Variants in ADAMTSL1 observed in about 807,000 individuals in gnomAD.
ADAMTSL1 encodes ADAMTS-like protein 1.
In ADAMTSL1, 126 loss-of-function variants were observed where a neutral mutation model predicts 201.8. The ratio of observed to expected loss-of-function variants is 0.62; its 90% confidence interval spans 0.54 to 0.72. The LOEUF is 0.72. Ranked by LOEUF, ADAMTSL1 falls within the 30% of genes least tolerant of loss-of-function variation. The pLI is 0.00. For synonymous variants in ADAMTSL1, 1,121 were observed against 903.4 expected, an observed-to-expected ratio of 1.24 and a Z score of -4.32; for missense variants, 2,679 against 2,277.8, an observed-to-expected ratio of 1.18 and a Z score of -3.59.
At chr9:18,650,009 G>T (rs1212403982) in intron 7 of ADAMTSL1, among the ~76,000 whole-genome samples, 2 of 152,220 alleles carry the variant, frequency 1.3e-5, no homozygotes, top group African/African-American at 4.8e-5. Context: ...GCCTACAGAG[G>T]CAGGCAGGCC....
At chr9:18,700,544 A>T (rs1457732102) in intron 13 of ADAMTSL1, among the ~76,000 whole-genome samples, 1 of 152,156 alleles carries the variant, frequency 6.6e-6, no homozygotes, top group Non-Finnish European at 1.5e-5. Context: ...CTTTATCCTA[A>T]GGTTTTTACT....
chr9:18,716,510 G>A (rs1454897083), intron 14 of ADAMTSL1, among the ~76,000 whole-genome samples: 3 of 151,752 alleles, frequency 2.0e-5, no homozygotes, highest in African/African-American at 4.8e-5. Flanking sequence ...CTGGCCATCA[G>A]AGAAATGCAA....
chr9:18,673,389 C>G (rs1199783818), intron 9 of ADAMTSL1, among the ~76,000 whole-genome samples: 1 of 152,202 alleles, frequency 6.6e-6, no homozygotes, highest in Non-Finnish European at 1.5e-5. Flanking sequence ...GGACAGAGCA[C>G]CATTGTTTTG....
chr9:18,029,177 T>G (rs982213074), intron 1 of ADAMTSL1, among the ~76,000 whole-genome samples: 2 of 152,158 alleles, frequency 1.3e-5, no homozygotes, highest in African/African-American at 4.8e-5. Flanking sequence ...ATGATGGGGT[T>G]TTCTAGATAT....
chr9:18,646,653 G>A (rs1214033080), intron 7 of ADAMTSL1, among the ~76,000 whole-genome samples: 2 of 148,794 alleles, frequency 1.3e-5, no homozygotes, highest in Admixed American at 1.3e-4. Context: ...ATAATCATGT[G>A]GTTTTTGTCT....
At chr9:18,643,552 T>G (rs1385477709) in intron 7 of ADAMTSL1, among the ~76,000 whole-genome samples, 3 of 152,140 alleles carry the variant, frequency 2.0e-5, no homozygotes, top group South Asian at 4.1e-4. Flanking sequence ...GGTCTTACAC[T>G]TAAGTCTTTA....
intron 1 of ADAMTSL1, among the ~76,000 whole-genome samples, chr9:17,934,521 T>C (rs1826923305): frequency 6.6e-6 from 1 of 152,162 alleles, no homozygotes; most frequent in South Asian, 2.1e-4. Context: ...TTGATTTTGA[T>C]TCATGACCAC....
At chr9:18,556,410 T>A (rs923020014) in intron 3 of ADAMTSL1, among the ~76,000 whole-genome samples, 2 of 152,032 alleles carry the variant, frequency 1.3e-5, no homozygotes, top group African/African-American at 4.8e-5. Flanking sequence ...GCTTTATTAA[T>A]CATGCAAATC....
intron 1 of ADAMTSL1, among the ~76,000 whole-genome samples, chr9:17,926,455 A>G (rs565899926): frequency 6.6e-6 from 1 of 152,130 alleles, no homozygotes; most frequent in Admixed American, 6.5e-5. Flanking sequence ...GTACTCAGGA[A>G]TCCATGCTGA....
chr9:18,862,973 T>G (rs936533091), intron 23 of ADAMTSL1, among the ~76,000 whole-genome samples: 1 of 152,180 alleles, frequency 6.6e-6, no homozygotes, highest in Non-Finnish European at 1.5e-5. Context: ...CCTCATGAGG[T>G]AGGTTCAATT....
intron 1 of ADAMTSL1, among the ~76,000 whole-genome samples, chr9:18,149,554 G>T (rs752041504): frequency 5.9e-5 from 9 of 152,022 alleles, no homozygotes; most frequent in Non-Finnish European, 1.2e-4. Flanking sequence ...TGTTAGAAAA[G>T]CATCATCTCA....
chr9:18,051,932 T>C (rs975154107), intron 1 of ADAMTSL1, among the ~76,000 whole-genome samples: 4 of 152,264 alleles, frequency 2.6e-5, no homozygotes, highest in Admixed American at 6.5e-5. Flanking sequence ...TCTTTCACTT[T>C]ATTGGTTACC....
At chr9:18,821,025 G>C (rs1045230212) in intron 21 of ADAMTSL1, among the ~76,000 whole-genome samples, 6 of 152,190 alleles carry the variant, frequency 3.9e-5, no homozygotes, top group African/African-American at 1.4e-4. Flanking sequence ...GGTGTGGGTA[G>C]GCAGGGGCTA....
Position 18,777,578 on chromosome 9 carries a change from G to A in ADAMTSL1, c.3349G>A (p.Asp1117Asn), listed in dbSNP as rs756309634. 36 of 1,610,670 alleles carry A rather than the reference G, an allele frequency of 2.2e-5. No homozygotes were observed. The highest frequency in any genetic ancestry group is 2.9e-5 in the Non-Finnish European group (34 of 1,178,738). The change falls in exon 19 of 29, where the codon GAC (aspartate) becomes AAC (asparagine). Residue 1117 changes from aspartate to asparagine, a missense_variant. By Grantham distance (23) the Asp-to-Asn change is conservative. Coordinates refer to ENST00000380548, the MANE Select transcript of ADAMTSL1 (RefSeq NM_001040272.6). ...CTTCCGCAGCCACCTGGAGCACCAG[G>A]ACACGCTCCTGAAGCCCTCGGAGCG... ...EIFRSHLEHQ[D>N]TLLKPSERRT...
chr9:18,685,847 G>A (rs1830796698), intron 13 of ADAMTSL1, among the ~76,000 whole-genome samples: 1 of 152,054 alleles, frequency 6.6e-6, no homozygotes, highest in Admixed American at 6.5e-5. Flanking sequence ...AAGGTCACTT[G>A]TAAAGAAACT....
At chr9:18,167,692 C>A (rs1031696844) in intron 2 of ADAMTSL1, among the ~76,000 whole-genome samples, 3 of 151,922 alleles carry the variant, frequency 2.0e-5, no homozygotes, top group African/African-American at 7.2e-5. Flanking sequence ...TGGAATATAA[C>A]TATTTCCATG....
intron 2 of ADAMTSL1, among the ~76,000 whole-genome samples, chr9:18,513,649 C>T (rs1818176539): frequency 6.6e-6 from 1 of 152,098 alleles, no homozygotes. Flanking sequence ...GTCTATAGTC[C>T]ATTTTGAGTT....
chr9:18,606,261 G>T (rs1370638329), intron 4 of ADAMTSL1, among the ~76,000 whole-genome samples: 1 of 152,098 alleles, frequency 6.6e-6, no homozygotes, highest in Non-Finnish European at 1.5e-5. Context: ...ATTTTCAAGG[G>T]GGTTGTTTTC....
chr9:18,644,357 T>A (rs1587779325), intron 7 of ADAMTSL1, among the ~76,000 whole-genome samples: 1 of 150,848 alleles, frequency 6.6e-6, no homozygotes, highest in Admixed American at 6.7e-5. Flanking sequence ...TGTCAGTATC[T>A]CCATGGAATT....
Sources: allele counts gnomAD v4.1 joint callset (sites outside exome capture counted in the v4.1 genomes callset), GRCh38; gene constraint gnomAD v4.1.1; transcripts MANE v1.5; gene names NCBI Gene and HGNC (gene_info 2026-07-23, HGNC 2026-07-21).